TAFA5: variants seen among roughly 807,000 people sequenced by gnomAD.
TAFA5 encodes the protein TAFA chemokine like family member 5.
Under a neutral mutation model 15.3 loss-of-function variants are expected in TAFA5, and 6 were observed. The ratio of observed to expected loss-of-function variants is 0.39; its 90% CI spans 0.21 to 0.77. The LOEUF is 0.77. TAFA5 is among the 30% of genes least tolerant of loss of function. The pLI, the probability that TAFA5 is intolerant of heterozygous loss-of-function variation, is 0.41. For missense variants in TAFA5, 161 were observed against 193.1 expected, an observed-to-expected ratio of 0.83 and a Z score of 0.98; for synonymous variants, 103 against 80.7, an observed-to-expected ratio of 1.28 and a Z score of -1.48.
intron 1 of TAFA5, among the ~76,000 whole-genome samples, chr22:48,556,303 G>C (rs1355188372): frequency 6.6e-6 from 1 of 152,162 alleles, no homozygotes; most frequent in African/African-American, 2.4e-5. Context: ...AGCCCCTCTG[G>C]GGTTTGCCAA....
intron 1 of TAFA5, among the ~76,000 whole-genome samples, chr22:48,624,674 G>T (rs147999127): frequency 6.6e-6 from 1 of 152,182 alleles, no homozygotes; most frequent in East Asian, 1.9e-4. Context: ...GTGACTGTGT[G>T]TTTTGAGCTG....
chr22:48,582,858 C>CAAAATAA (rs1924129130), intron 1 of TAFA5, among the ~76,000 whole-genome samples: 1 of 149,700 alleles, frequency 6.7e-6, no homozygotes, highest in Non-Finnish European at 1.5e-5. Flanking sequence ...ACACCACACA[C>CAAAATAA]ACCACACGCA....
intron 3 of TAFA5, among the ~76,000 whole-genome samples, chr22:48,730,817 G>A (rs1467955858): frequency 1.3e-5 from 2 of 152,066 alleles, no homozygotes. Flanking sequence ...CTCTCCACGG[G>A]CCTCCCTGTT....
Position 48,723,590 on chromosome 22 carries a change from A to G in TAFA5, c.390+15746A>G, listed in dbSNP as rs375912993. 3.3e-5 allele frequency among the ~76,000 whole-genome samples: 5 copies of G among 152,348 alleles called. No individual in the cohort carries two copies. In the South Asian group the frequency reaches 1.0e-3, roughly 32 times the overall value. On this transcript the variant is annotated intron_variant, in intron 3 of 3. Transcript: ENST00000402357. ...CAGGGATGCGGCCATTGTACCAAAA[A>G]GACTTACTGGGTCAGATCCCACCAT...
intron 1 of TAFA5, among the ~76,000 whole-genome samples, chr22:48,641,527 C>CCCCACTGCACTCCCT: frequency 6.6e-6 from 1 of 151,660 alleles, no homozygotes; most frequent in Non-Finnish European, 1.5e-5. Flanking sequence ...GGCTGCCCCT[C>CCCCACTGCACTCCCT]CCCACTGCAC....
At position 48,566,217 on chromosome 22, in the gene TAFA5, A is replaced by T. The variant is rs1017045670; in HGVS notation, c.112+76513A>T. On this transcript the variant is annotated intron_variant, in intron 1 of 3. Transcript: ENST00000402357. The surrounding 1 kb of genome is among the most constrained non-coding windows in gnomAD (Gnocchi z 4.5). ...TGGGTGGATGGTGGATGATGGGTGG[A>T]TGGTAGGTAGATGGATGATGGGTGG... Among the ~76,000 whole-genome samples the T allele has an allele frequency of 1.3e-5, 2 of 150,332 alleles. No individual in the cohort carries two copies. The highest frequency in any genetic ancestry group is 4.9e-5 in the African/African-American group (2 of 40,772).
rs774972715 is a variant in TAFA5, at chr22:48,693,150, G to A, written c.263-14567G>A. 117 of 781,068 alleles carry A rather than the reference G, an allele frequency of 1.5e-4. 2 individuals carry two copies. Among genetic ancestry groups the A allele is most frequent in the Non-Finnish European group, 2.1e-4 (102 of 495,790 alleles). 48.4% of individuals were successfully genotyped at this position (781,068 alleles called of 1,614,324 possible). A position where few individuals can be genotyped will look rare whatever the true frequency, so the allele number is the denominator to read the frequency against. ...TGAGCGCAGGACGTGACCTCGAGTC[G>A]AAGCCTCTGCTGGAAAATACGTCCT... On this transcript the variant is annotated intron_variant, in intron 2 of 3. Transcript: ENST00000402357.
chr22:48,743,244 G>A (rs932619891), intron 3 of TAFA5, among the ~76,000 whole-genome samples: 1 of 152,132 alleles, frequency 6.6e-6, no homozygotes, highest in Non-Finnish European at 1.5e-5. Flanking sequence ...GACGTCTGTG[G>A]TCACGGTGTC....
chr22:48,508,467 C>T (rs917921396), intron 1 of TAFA5, among the ~76,000 whole-genome samples: 1 of 152,140 alleles, frequency 6.6e-6, no homozygotes, highest in Non-Finnish European at 1.5e-5. Flanking sequence ...GAATGAACGG[C>T]GCCATATGAG....
At chr22:48,623,162 C>T (rs187007490) in intron 1 of TAFA5, among the ~76,000 whole-genome samples, 2 of 152,334 alleles carry the variant, frequency 1.3e-5, no homozygotes, top group South Asian at 2.1e-4. Flanking sequence ...GCCCTGACGG[C>T]GGTGGGATGG....
intron 3 of TAFA5, among the ~76,000 whole-genome samples, chr22:48,732,153 G>A (rs1929885151): frequency 6.6e-6 from 1 of 152,210 alleles, no homozygotes; most frequent in Admixed American, 6.5e-5. Flanking sequence ...ATTTGGAAGT[G>A]GAGTCTGAAG....
At chr22:48,713,637 C>T (rs1929320956) in intron 3 of TAFA5, among the ~76,000 whole-genome samples, 1 of 152,220 alleles carries the variant, frequency 6.6e-6, no homozygotes, top group African/African-American at 2.4e-5. Context: ...TTGGCATCTC[C>T]AGCAGTGCTG....
At chr22:48,539,617 G>A (rs1179286795) in intron 1 of TAFA5, among the ~76,000 whole-genome samples, 1 of 152,184 alleles carries the variant, frequency 6.6e-6, no homozygotes, top group Non-Finnish European at 1.5e-5. Flanking sequence ...GGTATGCTGT[G>A]CTGAGCTACA....
At chr22:48,533,623 A>G (rs1274701760) in intron 1 of TAFA5, among the ~76,000 whole-genome samples, 1 of 152,218 alleles carries the variant, frequency 6.6e-6, no homozygotes, top group African/African-American at 2.4e-5. Context: ...AGATGGCTGT[A>G]GAAAGATCTG....
chr22:48,568,340 G>C (rs1414439210), intron 1 of TAFA5, among the ~76,000 whole-genome samples: 2 of 152,258 alleles, frequency 1.3e-5, no homozygotes, highest in East Asian at 3.9e-4. Flanking sequence ...GCTCCAGAGA[G>C]AGGATGTGCA....
intron 1 of TAFA5, among the ~76,000 whole-genome samples, chr22:48,587,064 G>A (rs917565713): frequency 9.2e-5 from 14 of 152,270 alleles, no homozygotes; most frequent in African/African-American, 3.4e-4. Context: ...CTGTTTGTCT[G>A]TGGTTTCCCT....
At chr22:48,622,969 A>G (rs1925892359) in intron 1 of TAFA5, among the ~76,000 whole-genome samples, 1 of 152,242 alleles carries the variant, frequency 6.6e-6, no homozygotes, top group Non-Finnish European at 1.5e-5. Context: ...TTCTGTGGAC[A>G]CTTCGCTCCA....
intron 1 of TAFA5, among the ~76,000 whole-genome samples, chr22:48,493,934 T>C (rs993193469): frequency 2.0e-5 from 3 of 152,176 alleles, no homozygotes; most frequent in African/African-American, 7.2e-5. Context: ...CCACCCCTGC[T>C]CTTTCACTGA....
chr22:48,641,633 C>T (rs1926682133), intron 1 of TAFA5, among the ~76,000 whole-genome samples: 1 of 150,580 alleles, frequency 6.6e-6, no homozygotes, highest in Admixed American at 6.6e-5. Context: ...CTCCCTTCCC[C>T]CCCGCACACC....
Sources: allele counts gnomAD v4.1 joint callset (sites outside exome capture counted in the v4.1 genomes callset), GRCh38; gene constraint gnomAD v4.1.1; non-coding constraint Gnocchi (gnomAD v3.1); transcripts MANE v1.5; gene names NCBI Gene and HGNC (gene_info 2026-07-23, HGNC 2026-07-21).